SNTG1: variants seen among roughly 807,000 people sequenced by gnomAD.
SNTG1 encodes syntrophin gamma 1.
A neutral mutation model predicts 74.7 loss-of-function variants in SNTG1; 39 were observed. The observed-to-expected ratio is 0.52, with a 90% CI of 0.40 to 0.68. The LOEUF (loss-of-function observed/expected upper bound fraction) is 0.68. Ranked by LOEUF, SNTG1 falls within the 30% of genes least tolerant of loss-of-function variation. The pLI, the probability that SNTG1 is intolerant of heterozygous loss-of-function variation, is 0.00. For synonymous variants in SNTG1, 254 were observed against 217.1 expected, an observed-to-expected ratio of 1.17 and a Z score of -1.49; for missense variants, 685 against 609.5, an observed-to-expected ratio of 1.12 and a Z score of -1.30.
intron 18 of SNTG1, among the ~76,000 whole-genome samples, chr8:50,782,086 A>G (rs1328545068): frequency 6.6e-6 from 1 of 152,142 alleles, no homozygotes. Context: ...TGTTAGTCGG[A>G]TGGGCTTCCC....
At chr8:50,440,662 A>G (rs73581400) in intron 5 of SNTG1, among the ~76,000 whole-genome samples, 10,406 of 152,254 alleles carry the variant, frequency 0.068, 414 homozygotes, top group Middle Eastern at 0.16. Context: ...ATAAACGCAT[A>G]TCTTACCACT....
At chr8:50,345,008 G>A (rs570597758) in intron 2 of SNTG1, among the ~76,000 whole-genome samples, 1 of 152,286 alleles carries the variant, frequency 6.6e-6, no homozygotes, top group African/African-American at 2.4e-5. Flanking sequence ...GACACAGGGA[G>A]AAGCAAGCCA....
At chr8:50,468,013 T>TG (rs1389748208) in intron 8 of SNTG1, among the ~76,000 whole-genome samples, 1 of 23,960 alleles carries the variant, frequency 4.2e-5, no homozygotes, top group Non-Finnish European at 2.9e-4. Context: ...ATAATAAATA[T>TG]TTTTTTTTCA....
chr8:50,387,080 T>G (rs370739298), intron 2 of SNTG1, among the ~76,000 whole-genome samples: 1 of 152,176 alleles, frequency 6.6e-6, no homozygotes, highest in African/African-American at 2.4e-5. Context: ...TAGGGACACA[T>G]GATCAACTTG....
At chr8:50,246,426 G>T (rs1395036432) in intron 2 of SNTG1, among the ~76,000 whole-genome samples, 5 of 151,742 alleles carry the variant, frequency 3.3e-5, no homozygotes, top group Non-Finnish European at 7.4e-5. Context: ...TATCCATAAA[G>T]ACCTGAGGAT....
chr8:50,299,815 A>G (rs2089563530), intron 2 of SNTG1, among the ~76,000 whole-genome samples: 3 of 152,150 alleles, frequency 2.0e-5, no homozygotes, highest in Admixed American at 6.5e-5. Context: ...GCCATATAGG[A>G]CAGAATAGGC....
intron 2 of SNTG1, among the ~76,000 whole-genome samples, chr8:50,275,410 T>C (rs901140822): frequency 2.0e-5 from 3 of 152,204 alleles, no homozygotes; most frequent in Non-Finnish European, 4.4e-5. Flanking sequence ...GAATATCTTA[T>C]TACATGATAT....
At chr8:50,133,470 A>G (rs934509946) in intron 1 of SNTG1, among the ~76,000 whole-genome samples, 3 of 152,286 alleles carry the variant, frequency 2.0e-5, no homozygotes, top group South Asian at 2.1e-4. Context: ...TGGTACTAAC[A>G]TCTGTATTGG....
chr8:50,635,569 A>G (rs1443655027), intron 13 of SNTG1, among the ~76,000 whole-genome samples: 1 of 152,182 alleles, frequency 6.6e-6, no homozygotes, highest in Non-Finnish European at 1.5e-5. Flanking sequence ...CATGGTCACC[A>G]TCACCAGAGG....
intron 15 of SNTG1, among the ~76,000 whole-genome samples, chr8:50,702,066 G>C (rs568654629): frequency 5.1e-4 from 1 of 1,976 alleles, no homozygotes; most frequent in East Asian, 0.012. Context: ...GGACAGTCTG[G>C]TCTGGAACTC....
At chr8:50,013,503 AT>A (rs1795977581) in intron 1 of SNTG1, among the ~76,000 whole-genome samples, 1 of 151,592 alleles carries the variant, frequency 6.6e-6, no homozygotes, top group African/African-American at 2.4e-5. Flanking sequence ...AGATAGATAG[AT>A]AGAGATATAT....
intron 1 of SNTG1, among the ~76,000 whole-genome samples, chr8:50,064,329 C>T (rs919319445): frequency 6.6e-6 from 1 of 152,012 alleles, no homozygotes; most frequent in Non-Finnish European, 1.5e-5. Context: ...TCTTTCTATA[C>T]TTCACTCCTC....
intron 2 of SNTG1, among the ~76,000 whole-genome samples, chr8:50,315,025 T>C (rs2130776785): frequency 6.7e-6 from 1 of 150,076 alleles, no homozygotes; most frequent in South Asian, 2.2e-4. Flanking sequence ...ATTTATTTAT[T>C]AAATAATTCA....
intron 1 of SNTG1, among the ~76,000 whole-genome samples, chr8:49,977,175 C>T (rs1255761123): frequency 6.6e-6 from 1 of 152,034 alleles, no homozygotes; most frequent in Non-Finnish European, 1.5e-5. Context: ...AATGACAAGT[C>T]CTCTCAGCAA....
intron 13 of SNTG1, among the ~76,000 whole-genome samples, chr8:50,613,056 T>G (rs1164857677): frequency 1.3e-5 from 2 of 152,200 alleles, no homozygotes; most frequent in Non-Finnish European, 2.9e-5. Flanking sequence ...CCCCACTTAC[T>G]AATTGAAGAA....
chr8:50,457,586 TAA>T (rs1366055161), intron 8 of SNTG1, among the ~76,000 whole-genome samples: 2 of 151,942 alleles, frequency 1.3e-5, no homozygotes, highest in Non-Finnish European at 2.9e-5. Context: ...ATCATACAGA[TAA>T]AAGAGGAGGA....
chr8:50,020,333 T>C (rs1333318184), intron 1 of SNTG1, among the ~76,000 whole-genome samples: 3 of 152,162 alleles, frequency 2.0e-5, no homozygotes, highest in Admixed American at 2.0e-4. Context: ...ACACAAGGTC[T>C]TAGATGGGAG....
At chr8:50,588,739 T>C (rs1394103234) in intron 12 of SNTG1, among the ~76,000 whole-genome samples, 1 of 152,198 alleles carries the variant, frequency 6.6e-6, no homozygotes, top group Non-Finnish European at 1.5e-5. Flanking sequence ...TTTGAAAAGT[T>C]ATGATGATAT....
chr8:50,110,435 G>T (rs946208672), intron 1 of SNTG1, among the ~76,000 whole-genome samples: 2 of 152,094 alleles, frequency 1.3e-5, no homozygotes, highest in Admixed American at 6.6e-5. Flanking sequence ...GAAGGCTCAG[G>T]CATCCTTGGT....
Sources: gnomAD v4.1 joint callset for allele counts (sites outside exome capture counted in the v4.1 genomes callset) on GRCh38, gnomAD v4.1.1 for gene constraint, MANE v1.5 for transcripts, NCBI Gene and HGNC (gene_info 2026-07-23, HGNC 2026-07-21) for gene names.